SLC24A4: variants seen among roughly 807,000 people sequenced by gnomAD.
SLC24A4 encodes sodium/potassium/calcium exchanger 4.
In SLC24A4, 53 loss-of-function variants were observed where a neutral mutation model predicts 79.0. The observed-to-expected ratio is 0.67, with a 90% confidence interval of 0.54 to 0.84. SLC24A4 has a LOEUF of 0.84. Among genes scored for constraint, SLC24A4 ranks in the 40% least tolerant of loss-of-function variants. The pLI is 0.00. For synonymous variants in SLC24A4, 323 were observed against 323.8 expected (o/e 1.00, Z 0.03); for missense variants, 731 against 822.0 (o/e 0.89, Z 1.35).
intron 2 of SLC24A4, among the ~76,000 whole-genome samples, chr14:92,344,597 C>G (rs1323073866): frequency 6.6e-6 from 1 of 151,982 alleles, no homozygotes; most frequent in African/African-American, 2.4e-5. Flanking sequence ...GAATATGACT[C>G]CAATCTTAGG....
chr14:92,419,883 T>C (rs1891183562), intron 2 of SLC24A4, among the ~76,000 whole-genome samples: 14 of 152,148 alleles, frequency 9.2e-5, no homozygotes, highest in Admixed American at 9.2e-4. Flanking sequence ...TCATTGGAAA[T>C]AGGGTCTCTG....
At chr14:92,339,528 G>A (rs990706206) in intron 2 of SLC24A4, among the ~76,000 whole-genome samples, 10 of 152,196 alleles carry the variant, frequency 6.6e-5, no homozygotes, top group African/African-American at 2.4e-4. Context: ...CTTGCTCAAG[G>A]TCTCCCAGCT....
rs540863660 is a variant in SLC24A4, at chr14:92,455,799, C to T, written c.1051-605C>T. ...CACTGCAACCTCTGCCTCCCGGGTT[C>T]AAGCGATTCTCCTGCCTCAGCCTCC... On this transcript the variant is annotated intron_variant, in intron 11 of 16. Transcript: ENST00000532405. 1.1e-4 allele frequency among the ~76,000 whole-genome samples: 17 copies of T among 152,142 alleles called. No individual in the cohort carries two copies. In the South Asian group the frequency reaches 3.3e-3, roughly 30 times the overall value.
At chr14:92,431,667 C>T (rs61977284) in intron 2 of SLC24A4, among the ~76,000 whole-genome samples, 10,003 of 152,302 alleles carry the variant, frequency 0.066, 434 homozygotes, top group East Asian at 0.1. Flanking sequence ...ATGACTGATT[C>T]GTCACCGTAG....
intron 12 of SLC24A4, among the ~76,000 whole-genome samples, chr14:92,478,401 T>A (rs764506095): frequency 6.6e-6 from 1 of 152,224 alleles, no homozygotes; most frequent in Non-Finnish European, 1.5e-5. Context: ...AAGATTATTG[T>A]TTTCCTATTG....
At chr14:92,390,406 T>A (rs953759394) in intron 2 of SLC24A4, among the ~76,000 whole-genome samples, 20 of 152,142 alleles carry the variant, frequency 1.3e-4, no homozygotes, top group Non-Finnish European at 1.5e-4. Context: ...ATTTAAGATA[T>A]TTTTAAACAC....
At chr14:92,419,118 A>C (rs1484956000) in intron 2 of SLC24A4, among the ~76,000 whole-genome samples, 1 of 152,174 alleles carries the variant, frequency 6.6e-6, no homozygotes, top group Non-Finnish European at 1.5e-5. Flanking sequence ...CACATCTATA[A>C]AATACCTTCA....
chr14:92,448,341 T>TACACACACACAC (rs1415258640), intron 9 of SLC24A4, among the ~76,000 whole-genome samples: 11 of 18,668 alleles, frequency 5.9e-4, no homozygotes, highest in African/African-American at 1.5e-3. Context: ...TTTTTCCCAC[T>TACACACACACAC]ACATACACAC....
At chr14:92,436,018 T>A (rs1404333600) in intron 3 of SLC24A4, among the ~76,000 whole-genome samples, 2 of 152,260 alleles carry the variant, frequency 1.3e-5, no homozygotes, top group Non-Finnish European at 2.9e-5. Flanking sequence ...GTTACCAAGC[T>A]ATGGCTGGAG....
At chr14:92,476,805 A>G (rs1273838818) in intron 12 of SLC24A4, among the ~76,000 whole-genome samples, 2 of 152,192 alleles carry the variant, frequency 1.3e-5, no homozygotes, top group African/African-American at 2.4e-5. Context: ...CTATCAATAT[A>G]TGGCCTTTTG....
intron 2 of SLC24A4, among the ~76,000 whole-genome samples, chr14:92,369,655 T>C (rs925127044): frequency 2.6e-5 from 4 of 152,240 alleles, no homozygotes; most frequent in Non-Finnish European, 5.9e-5. Flanking sequence ...AGTGTGACTA[T>C]AAGGTACAAG....
At chr14:92,422,402 T>A (rs1384572186) in intron 2 of SLC24A4, among the ~76,000 whole-genome samples, 1 of 152,222 alleles carries the variant, frequency 6.6e-6, no homozygotes, top group Non-Finnish European at 1.5e-5. Context: ...AGAAACATAT[T>A]TTTGGCTTTT....
intron 12 of SLC24A4, among the ~76,000 whole-genome samples, chr14:92,475,993 G>A (rs372912268): frequency 3.9e-5 from 6 of 152,304 alleles, no homozygotes; most frequent in Admixed American, 2.0e-4. Context: ...CACTGGCCAC[G>A]TGGGTGGGGC....
chr14:92,442,845 A>G (rs1338800781), intron 6 of SLC24A4, 29 bp downstream of exon 6: 1 of 1,563,674 alleles, frequency 6.4e-7, no homozygotes, highest in Non-Finnish European at 8.8e-7. Context: ...GGCCCGGCAG[A>G]TGCATGCCCT....
At chr14:92,373,171 T>TACACACACAC (rs66513416) in intron 2 of SLC24A4, among the ~76,000 whole-genome samples, 4 of 142,972 alleles carry the variant, frequency 2.8e-5, no homozygotes, top group Non-Finnish European at 6.1e-5. Context: ...AGCTAATTTA[T>TACACACACAC]ACACACACAC....
chr14:92,393,479 G>T (rs1889598317), intron 2 of SLC24A4, among the ~76,000 whole-genome samples: 1 of 151,668 alleles, frequency 6.6e-6, no homozygotes, highest in Non-Finnish European at 1.5e-5. Context: ...GCGGCCGCCT[G>T]AACAGGTCTG....
intron 2 of SLC24A4, among the ~76,000 whole-genome samples, chr14:92,352,925 C>A (rs1886973579): frequency 6.6e-6 from 1 of 152,184 alleles, no homozygotes; most frequent in African/African-American, 2.4e-5. Context: ...GTTGGGAACC[C>A]CCAACATTCT....
intron 12 of SLC24A4, among the ~76,000 whole-genome samples, chr14:92,466,452 G>A (rs1894123383): frequency 6.6e-6 from 1 of 152,112 alleles, no homozygotes; most frequent in South Asian, 2.1e-4. Flanking sequence ...TGTCAGAGCT[G>A]GGATTTGAAC....
At chr14:92,324,123 T>G (rs1320696927) in intron 1 of SLC24A4, among the ~76,000 whole-genome samples, 163 bp downstream of exon 1, 1 of 152,114 alleles carries the variant, frequency 6.6e-6, no homozygotes, top group Admixed American at 6.5e-5. Flanking sequence ...CCAGAAGAGC[T>G]GATGGACGCT....
Sources: gnomAD v4.1 joint callset for allele counts (sites outside exome capture counted in the v4.1 genomes callset) on GRCh38, gnomAD v4.1.1 for gene constraint, MANE v1.5 for transcripts, NCBI Gene and HGNC (gene_info 2026-07-23, HGNC 2026-07-21) for gene names.